Variants in NFIC observed in about 807,000 individuals in gnomAD.
NFIC encodes the protein nuclear factor 1 C-type.
A neutral mutation model predicts 54.4 loss-of-function variants in NFIC; 12 were observed. The observed-to-expected ratio is 0.22, with a 90% CI of 0.14 to 0.36. NFIC has a LOEUF of 0.36. NFIC is among the 10% of genes least tolerant of loss of function. The pLI is 1.00. For synonymous variants in NFIC, 322 were observed against 319.2 expected (o/e 1.01, Z -0.09); for missense variants, 575 against 718.2 (o/e 0.80, Z 2.28).
At chr19:3,393,052 C>T (rs558073145) in intron 2 of NFIC, among the ~76,000 whole-genome samples, 12 of 152,172 alleles carry the variant, frequency 7.9e-5, no homozygotes, top group Admixed American at 5.2e-4. Flanking sequence ...GCAATTCTCC[C>T]GCCTCAGCCT....
chr19:3,434,987 C>A (rs1056930128), intron 5 of NFIC, 96 bp from the exon 6 acceptor site: 3 of 1,418,230 alleles, frequency 2.1e-6, no homozygotes, highest in Non-Finnish European at 1.9e-6. Context: ...CCCTCGCCCC[C>A]GCTCACTTAA....
chr19:3,370,120 C>G lies in NFIC; in HGVS notation c.30+3454C>G, dbSNP rs1208459477. Among the ~76,000 whole-genome samples, 4 of 152,182 alleles carry G rather than the reference C, an allele frequency of 2.6e-5. No homozygotes were observed. Among genetic ancestry groups the G allele is most frequent in the Admixed American group, 2.6e-4 (4 of 15,284 alleles). On this transcript the variant is annotated intron_variant, in intron 1 of 10. Coordinates refer to ENST00000443272, the MANE Select transcript of NFIC (RefSeq NM_001245002.2). This position sits in a 1 kb window ranked among gnomAD's most constrained non-coding sequence, Gnocchi z 5.2. ...TTAGAGGGAGCTTGGGGGGTGCCTA[C>G]CAGGAGCAGGGGGCCTGCAGCCCCT...
chr19:3,462,864 G>C lies in NFIC; in HGVS notation c.*95G>C. 1 of 1,606,380 alleles carries C rather than the reference G, an allele frequency of 6.2e-7. No individual in the cohort carries two copies. ...GGCCCACGTTTTCGGTGGAAAATTA[G>C]AGTGAACAAGAACACCCCTGCCGAC... On this transcript the variant is annotated 3_prime_UTR_variant, in exon 11 of 11. Coordinates refer to ENST00000443272, the MANE Select transcript of NFIC (RefSeq NM_001245002.2).
intron 2 of NFIC, among the ~76,000 whole-genome samples, chr19:3,405,949 C>A (rs145345289): frequency 1.1e-3 from 171 of 151,766 alleles, no homozygotes; most frequent in African/African-American, 3.3e-3. Context: ...ACAGAGTCCT[C>A]CTGCTCTGTC....
chr19:3,404,041 C>T (rs1340900172), intron 2 of NFIC, among the ~76,000 whole-genome samples: 1 of 151,464 alleles, frequency 6.6e-6, no homozygotes, highest in Non-Finnish European at 1.5e-5. Flanking sequence ...CCCTTTCCCC[C>T]CATCCCTTCC....
At chr19:3,430,849 T>A (rs2082108426) in intron 3 of NFIC, among the ~76,000 whole-genome samples, 1 of 150,084 alleles carries the variant, frequency 6.7e-6, no homozygotes, top group African/African-American at 2.5e-5. Flanking sequence ...GGAGAATCGC[T>A]TGAACCTGGG....
intron 3 of NFIC, among the ~76,000 whole-genome samples, chr19:3,429,136 T>TATAC (rs1491130641): frequency 7.2e-5 from 6 of 83,874 alleles, no homozygotes; most frequent in Admixed American, 1.5e-4. Flanking sequence ...AAAAAAAATA[T>TATAC]ACACACACAC....
chr19:3,452,528 G>A lies in NFIC; in HGVS notation c.1131G>A (p.Thr377=), dbSNP rs762632147. ...CGTCCTCCGCTCTGCATTTCCCTACGACGTCCATCCTACCCCAGACGGCCT... is the reference window on the plus strand; with the variant it reads ...CGTCCTCCGCTCTGCATTTCCCTACAACGTCCATCCTACCCCAGACGGCCT... The part of the protein sequence containing the change: ...PHPSSALHFP[T]TSILPQTAST... The change falls in exon 8 of 11, where the codon ACG becomes ACA. Residue 377 remains threonine, a synonymous_variant. Transcript: ENST00000443272. The surrounding 1 kb of genome is among the most constrained non-coding windows in gnomAD (Gnocchi z 5.3). 1.8e-5 allele frequency: 29 copies of A among 1,613,130 alleles called. No individual in the cohort carries two copies. The highest frequency in any genetic ancestry group is 2.3e-5 in the Non-Finnish European group (27 of 1,179,972).
intron 2 of NFIC, among the ~76,000 whole-genome samples, chr19:3,388,752 C>T (rs1297339755): frequency 6.6e-6 from 1 of 151,960 alleles, no homozygotes; most frequent in African/African-American, 2.4e-5. Context: ...GGCTTGAGCC[C>T]AGGAGTTGGA....
Position 3,391,529 on chromosome 19 carries a change from G to A in NFIC, c.562+9286G>A, listed in dbSNP as rs150008298. On this transcript the variant is annotated intron_variant, in intron 2 of 10. Transcript: ENST00000443272. Reference sequence around the variant, plus strand: ...AGCCAGTCGTAGGCCAGGCGCGGTGGCTCACACCTGTAATCCCAGCACTTT... The same window carrying A: ...AGCCAGTCGTAGGCCAGGCGCGGTGACTCACACCTGTAATCCCAGCACTTT... Among the ~76,000 whole-genome samples, 350 of 152,106 alleles carry A rather than the reference G, an allele frequency of 2.3e-3. 4 individuals carry two copies. Among genetic ancestry groups the A allele is most frequent in the African/African-American group, 8.3e-3 (343 of 41,518 alleles).
chr19:3,384,754 C>T (rs538374198), intron 2 of NFIC, among the ~76,000 whole-genome samples: 84 of 152,224 alleles, frequency 5.5e-4, no homozygotes, highest in African/African-American at 1.9e-3. Flanking sequence ...CCCACCCCCA[C>T]TGATGAGCAA....
intron 2 of NFIC, among the ~76,000 whole-genome samples, chr19:3,388,655 C>CA (rs1013963418): frequency 2.7e-5 from 4 of 150,578 alleles, no homozygotes; most frequent in African/African-American, 5.0e-5. Context: ...CGACCATGCC[C>CA]CCCCCCAACA....
intron 3 of NFIC, among the ~76,000 whole-genome samples, chr19:3,429,102 T>G (rs1482271890): frequency 2.1e-5 from 3 of 145,000 alleles, no homozygotes; most frequent in Middle Eastern, 3.6e-3. Flanking sequence ...CTGGGTAATA[T>G]AGCAAGACCC....
chr19:3,430,676 G>A (rs1040625877), intron 3 of NFIC, among the ~76,000 whole-genome samples: 1 of 151,872 alleles, frequency 6.6e-6, no homozygotes, highest in Non-Finnish European at 1.5e-5. Context: ...GCTCATGCCT[G>A]TAATCCCAGC....
chr19:3,448,738 G>C (rs2082409628), intron 6 of NFIC, among the ~76,000 whole-genome samples: 1 of 152,152 alleles, frequency 6.6e-6, no homozygotes. Flanking sequence ...TCTCTGGAAG[G>C]AGAGTAGGCA....
chr19:3,460,290 G>C lies in NFIC; in HGVS notation c.1510-2462G>C, dbSNP rs191826426. Among the ~76,000 whole-genome samples the C allele has an allele frequency of 2.0e-5, 3 of 152,308 alleles. No homozygotes were observed. The East Asian group carries it at 5.8e-4, about 29-fold the overall frequency. ...AAGGGGATTCCTGAGAGGCAGGCGAGGGGGTTGGCCCTGGGCAGGAGCAGA... is the reference window on the plus strand; with the variant it reads ...AAGGGGATTCCTGAGAGGCAGGCGACGGGGTTGGCCCTGGGCAGGAGCAGA... On this transcript the variant is annotated intron_variant, in intron 10 of 10. Coordinates refer to ENST00000443272, the MANE Select transcript of NFIC (RefSeq NM_001245002.2).
intron 2 of NFIC, among the ~76,000 whole-genome samples, chr19:3,418,750 G>T (rs1466217662): frequency 6.6e-6 from 1 of 152,160 alleles, no homozygotes; most frequent in African/African-American, 2.4e-5. Context: ...TACTCAGGAG[G>T]CTGAGGCAGA....
intron 2 of NFIC, among the ~76,000 whole-genome samples, chr19:3,405,038 G>C (rs928842102): frequency 6.6e-6 from 1 of 152,210 alleles, no homozygotes; most frequent in Non-Finnish European, 1.5e-5. Flanking sequence ...ACCAGCGCCC[G>C]GGAGGGCCCG....
chr19:3,439,122 T>C (rs2082251617), intron 6 of NFIC, among the ~76,000 whole-genome samples: 1 of 149,306 alleles, frequency 6.7e-6, no homozygotes, highest in African/African-American at 2.5e-5. Flanking sequence ...CCGGGTGCAG[T>C]GGCTTACAAC....
Sources: allele counts gnomAD v4.1 joint callset (sites outside exome capture counted in the v4.1 genomes callset), GRCh38; gene constraint gnomAD v4.1.1; non-coding constraint Gnocchi (gnomAD v3.1); transcripts MANE v1.5; gene names NCBI Gene and HGNC (gene_info 2026-07-23, HGNC 2026-07-21).